The following EVC2 variants were observed in gnomAD, a reference collection of about 807,000 sequenced individuals.
EVC2 encodes EvC ciliary complex subunit 2.
Under a neutral mutation model 149.3 loss-of-function variants are expected in EVC2, and 148 were observed. That is an observed-to-expected ratio of 0.99 (90% CI 0.87 to 1.14). The LOEUF (loss-of-function observed/expected upper bound fraction) is 1.14. EVC2 is among the 50% of genes most tolerant of loss of function. The probability of loss-of-function intolerance (pLI) is 0.00; values close to 1 mark genes in which losing one functional copy is unlikely to be tolerated. For missense variants in EVC2, 1,854 were observed against 1,627.3 expected, an observed-to-expected ratio of 1.14 and a Z score of -2.40; for synonymous variants, 776 against 649.9, an observed-to-expected ratio of 1.19 and a Z score of -2.95.
At chr4:5,605,826 G>A (rs558229091) in intron 16 of EVC2, among the ~76,000 whole-genome samples, 5 of 152,238 alleles carry the variant, frequency 3.3e-5, no homozygotes, top group East Asian at 3.9e-4. Flanking sequence ...GGAGGGTGGC[G>A]GGACTGACCC....
At chr4:5,685,157 GT>G (rs1720610131) in intron 6 of EVC2, among the ~76,000 whole-genome samples, 1 of 152,202 alleles carries the variant, frequency 6.6e-6, no homozygotes, top group South Asian at 2.1e-4. Context: ...GCCCAGAGGG[GT>G]TAAGTAACTT....
intron 11 of EVC2, 49 bp from the exon 12 acceptor site, chr4:5,628,783 A>G: frequency 6.5e-7 from 1 of 1,542,210 alleles, no homozygotes; most frequent in Non-Finnish European, 8.9e-7. Flanking sequence ...TAAAATTTAG[A>G]GCATAATCTT....
At chr4:5,691,642 G>A (rs1360100422) in intron 3 of EVC2, among the ~76,000 whole-genome samples, 1 of 152,190 alleles carries the variant, frequency 6.6e-6, no homozygotes, top group Non-Finnish European at 1.5e-5. Flanking sequence ...CGTGGGCAGA[G>A]CAGTGAAGAT....
rs992177806 is a variant in EVC2, at chr4:5,686,078, T to TAC, written c.707-601_707-600dup. The stretch of plus-strand genomic sequence containing the variant: ...TATATACACACATATATAACATATA[T>TAC]ACACACACATATATATTACACACAC... On this transcript the variant is annotated intron_variant, in intron 5 of 21. Coordinates refer to ENST00000344408, the MANE Select transcript of EVC2 (RefSeq NM_147127.5). The surrounding 1 kb of genome is among the most constrained non-coding windows in gnomAD (Gnocchi z 5.4). Among the ~76,000 whole-genome samples, 30 of 132,128 alleles carry TAC rather than the reference T, an allele frequency of 2.3e-4. No homozygotes were observed. Among genetic ancestry groups the TAC allele is most frequent in the Non-Finnish European group, 4.3e-4 (27 of 63,340 alleles). 86.7% of individuals were successfully genotyped at this position (132,128 alleles called of 152,430 possible). A position where few individuals can be genotyped will look rare whatever the true frequency, so the allele number is the denominator to read the frequency against.
At position 5,623,205 on chromosome 4, in the gene EVC2, G is replaced by A. The variant is rs182797930; in HGVS notation, c.2047-214C>T. Among the ~76,000 whole-genome samples, 531 of 152,200 alleles carry A rather than the reference G, an allele frequency of 3.5e-3. 1 individual carries two copies. The highest frequency in any genetic ancestry group is 5.6e-3 in the Non-Finnish European group (381 of 68,020). On this transcript the variant is annotated intron_variant, in intron 13 of 21. Transcript: ENST00000344408. ...GGCTGGAGTGCAATGGTGCGATCTC[G>A]GCTCACTGCAATCTCCACCTCCTGG...
At chr4:5,627,126 A>T (rs1465070856) in intron 12 of EVC2, among the ~76,000 whole-genome samples, 2 of 152,208 alleles carry the variant, frequency 1.3e-5, no homozygotes, top group African/African-American at 4.8e-5. Flanking sequence ...TGCTACCAGC[A>T]TTACCACTAT....
At chr4:5,646,326 T>C (rs1157983076) in intron 9 of EVC2, among the ~76,000 whole-genome samples, 1 of 152,190 alleles carries the variant, frequency 6.6e-6, no homozygotes, top group East Asian at 1.9e-4. Context: ...CTTTTTTTCA[T>C]ATGTTTGTTG....
chr4:5,563,448 G>C (rs1012298026), intron 21 of EVC2, among the ~76,000 whole-genome samples: 30 of 152,198 alleles, frequency 2.0e-4, no homozygotes, highest in Middle Eastern at 3.2e-3. Context: ...CCAGGTTCAA[G>C]TGATTCTCCT....
At chr4:5,695,650 G>C (rs934337180) in intron 2 of EVC2, among the ~76,000 whole-genome samples, 1 of 152,232 alleles carries the variant, frequency 6.6e-6, no homozygotes, top group Non-Finnish European at 1.5e-5. Flanking sequence ...CACTGCACAT[G>C]AAAGTGCTTA....
chr4:5,529,837 A>AC, the EVC2 span, among the ~76,000 whole-genome samples: 1 of 114,022 alleles, frequency 8.8e-6, no homozygotes, highest in Admixed American at 9.3e-5. The surrounding 1 kb of genome is among the most constrained non-coding windows in gnomAD (Gnocchi z 4.5). Flanking sequence ...TTTTTTTTTG[A>AC]CGGAGTCTCA....
At chr4:5,609,374 G>A (rs1714645999) in intron 16 of EVC2, among the ~76,000 whole-genome samples, 1 of 152,176 alleles carries the variant, frequency 6.6e-6, no homozygotes, top group Non-Finnish European at 1.5e-5. Context: ...CAACCGCCAT[G>A]CAAGTGCTAA....
At chr4:5,588,001 G>T (rs764411252) in intron 16 of EVC2, among the ~76,000 whole-genome samples, 1 of 151,916 alleles carries the variant, frequency 6.6e-6, no homozygotes, top group Non-Finnish European at 1.5e-5. Context: ...ATGAGGGGTG[G>T]TCTCCTCCCT....
At position 5,691,305 on chromosome 4, in the gene EVC2, C is replaced by A. The variant is rs1262722362; in HGVS notation, c.479G>T (p.Gly160Val). 6.2e-7 allele frequency: 1 copy of A among 1,613,482 alleles called. No homozygotes were observed. Among genetic ancestry groups the A allele is most frequent in the Non-Finnish European group, 8.5e-7 (1 of 1,179,660 alleles). The change falls in exon 4 of 22, where the codon GGG becomes GTG. Residue 160 changes from glycine (G) to valine (V), a missense_variant. Coordinates refer to ENST00000344408, the MANE Select transcript of EVC2 (RefSeq NM_147127.5). ...AAAAATTACTCCATTTTCAGAAGTC[C>A]CTTGAACTTCTCTTGAAATGTCCCC... ...LYGDISREVQ[G>V]TSENGVIFQK...
At chr4:5,603,276 A>C (rs1454215503) in intron 16 of EVC2, among the ~76,000 whole-genome samples, 1 of 152,124 alleles carries the variant, frequency 6.6e-6, no homozygotes, top group Non-Finnish European at 1.5e-5. Context: ...TGTCTCTCAA[A>C]ATGGTGCTTC....
At chr4:5,601,169 G>A (rs1192971906) in intron 16 of EVC2, among the ~76,000 whole-genome samples, 1 of 152,084 alleles carries the variant, frequency 6.6e-6, no homozygotes, top group Non-Finnish European at 1.5e-5. Flanking sequence ...TACGGGCCCT[G>A]GCTATAGGCT....
At chr4:5,593,199 A>G (rs992439245) in intron 16 of EVC2, among the ~76,000 whole-genome samples, 6 of 152,166 alleles carry the variant, frequency 3.9e-5, no homozygotes, top group Admixed American at 2.6e-4. Context: ...TCCTTATAGT[A>G]GTGTGAGAAT....
upstream of EVC2, chr4:5,708,773 A>C: frequency 2.7e-6 from 1 of 377,028 alleles, no homozygotes; most frequent in Non-Finnish European, 4.7e-6. Context: ...AGAGCGGGTC[A>C]CTCCCCTGCT....
chr4:5,599,217 C>T (rs528854255), intron 16 of EVC2, among the ~76,000 whole-genome samples: 160 of 150,992 alleles, frequency 1.1e-3, no homozygotes, highest in African/African-American at 3.7e-3. Context: ...CATCCCATTA[C>T]TGGGTATATA....
chr4:5,546,606 C>T (rs1309094213), intron 21 of EVC2, among the ~76,000 whole-genome samples: 2 of 151,886 alleles, frequency 1.3e-5, no homozygotes, highest in Non-Finnish European at 2.9e-5. Context: ...AGGAGATATA[C>T]CTAATGCTAA....
Sources: gnomAD v4.1 joint callset for allele counts (sites outside exome capture counted in the v4.1 genomes callset) on GRCh38, gnomAD v4.1.1 for gene constraint, Gnocchi (gnomAD v3.1) non-coding constraint, MANE v1.5 for transcripts, NCBI Gene and HGNC (gene_info 2026-07-23, HGNC 2026-07-21) for gene names.